ELK3: variants seen among roughly 807,000 people sequenced by gnomAD.
ELK3 encodes ETS domain-containing protein Elk-3.
In ELK3, 10 loss-of-function variants were observed where a neutral mutation model predicts 28.9. The ratio of observed to expected loss-of-function variants is 0.35; its 90% CI spans 0.21 to 0.59. ELK3 has a LOEUF of 0.59. Among genes scored for constraint, ELK3 ranks in the 20% least tolerant of loss-of-function variants. The probability of loss-of-function intolerance (pLI) is 0.82; values close to 1 mark genes in which losing one functional copy is unlikely to be tolerated. For synonymous variants in ELK3, 272 were observed against 243.5 expected (o/e 1.12, Z -1.09); for missense variants, 463 against 517.3 (o/e 0.90, Z 1.02).
At chr12:96,256,655 A>T (rs1293799990) in intron 3 of ELK3, among the ~76,000 whole-genome samples, 4 of 152,260 alleles carry the variant, frequency 2.6e-5, no homozygotes, top group Non-Finnish European at 4.4e-5. Context: ...AATAAGAAAA[A>T]TGTGCCAATC....
intron 1 of ELK3, among the ~76,000 whole-genome samples, chr12:96,219,764 T>C (rs1335069364): frequency 6.6e-6 from 1 of 152,140 alleles, no homozygotes; most frequent in Non-Finnish European, 1.5e-5. Context: ...GTAGATGCAA[T>C]GATAAGCTCA....
chr12:96,220,495 C>T (rs545077572), intron 1 of ELK3, among the ~76,000 whole-genome samples: 3 of 145,024 alleles, frequency 2.1e-5, no homozygotes, highest in African/African-American at 7.6e-5. Context: ...TCAAGCTATT[C>T]TCCTGCCTCA....
At position 96,251,305 on chromosome 12, in the gene ELK3, T is replaced by C. The variant is rs1029286302; in HGVS notation, c.1002+3571T>C. ...GTTGTGTGTGTCCCAACTGCTCTCC[T>C]GTGTCAAACTTGATCAGTGTTGTGT... On this transcript the variant is annotated intron_variant, in intron 3 of 4. Transcript: ENST00000228741. Among the ~76,000 whole-genome samples the C allele has an allele frequency of 3.3e-5, 5 of 152,224 alleles. No homozygotes were observed. The South Asian group carries it at 8.3e-4, about 25-fold the overall frequency.
At chr12:96,261,588 G>C (rs1951992975) in intron 4 of ELK3, among the ~76,000 whole-genome samples, 1 of 152,176 alleles carries the variant, frequency 6.6e-6, no homozygotes. Context: ...TCTAATCCTA[G>C]AATCTAACAC....
intron 1 of ELK3, among the ~76,000 whole-genome samples, chr12:96,199,900 A>T (rs1336839367): frequency 6.6e-6 from 1 of 152,158 alleles, no homozygotes; most frequent in African/African-American, 2.4e-5. Flanking sequence ...AATTAGACTG[A>T]AATGAATTTA....
At chr12:96,265,187 A>G (rs776331136) in intron 4 of ELK3, among the ~76,000 whole-genome samples, 1 of 152,234 alleles carries the variant, frequency 6.6e-6, no homozygotes, top group Non-Finnish European at 1.5e-5. Context: ...GGGGAGTGTC[A>G]TGGGAGAAGA....
chr12:96,256,409 T>C (rs753883661), intron 3 of ELK3, among the ~76,000 whole-genome samples: 1 of 152,144 alleles, frequency 6.6e-6, no homozygotes, highest in South Asian at 2.1e-4. Context: ...ATTGAGGCAG[T>C]GCCTACACGG....
chr12:96,228,645 T>C (rs561016071), intron 2 of ELK3, among the ~76,000 whole-genome samples: 80 of 152,298 alleles, frequency 5.3e-4, no homozygotes, highest in African/African-American at 1.8e-3. Flanking sequence ...AAAATTCAGC[T>C]GTGAAGATGC....
intron 1 of ELK3, among the ~76,000 whole-genome samples, chr12:96,196,155 G>C (rs1951464981): frequency 6.6e-6 from 1 of 152,118 alleles, no homozygotes; most frequent in African/African-American, 2.4e-5. Flanking sequence ...TCCGCTGCTC[G>C]GCACAGGAGG....
chr12:96,231,966 C>T (rs939388764), intron 2 of ELK3, among the ~76,000 whole-genome samples: 10 of 152,276 alleles, frequency 6.6e-5, no homozygotes, highest in African/African-American at 2.4e-4. Context: ...AAAGTGCTGG[C>T]ATGGCCAATG....
Position 96,247,333 on chromosome 12 carries a change from C to T in ELK3, c.601C>T (p.Leu201=), listed in dbSNP as rs369805732. The change falls in exon 3 of 5, where the codon CTG becomes TTG. Residue 201 remains leucine (L), a synonymous_variant. Transcript: ENST00000228741. This position sits in a 1 kb window ranked among gnomAD's most constrained non-coding sequence, Gnocchi z 5.5. ...DKHVTRPVVS[L]PSTSEAAAAS... is the part of the protein sequence containing the mutation. ...GCACGTCACCAGGCCGGTGGTGTCCCTGCCTTCCACGTCAGAGGCTGCGGC... is the reference window on the plus strand; with the variant it reads ...GCACGTCACCAGGCCGGTGGTGTCCTTGCCTTCCACGTCAGAGGCTGCGGC... 28 of 1,614,246 alleles carry T rather than the reference C, an allele frequency of 1.7e-5. No homozygotes were observed. In the African/African-American group the frequency reaches 3.6e-4, roughly 21 times the overall value.
intron 3 of ELK3, among the ~76,000 whole-genome samples, chr12:96,249,020 G>A (rs930468096): frequency 6.6e-6 from 1 of 152,222 alleles, no homozygotes; most frequent in African/African-American, 2.4e-5. Context: ...GACTCAGAAA[G>A]TTTCAGATTC....
chr12:96,264,075 C>G (rs546017652), intron 4 of ELK3, among the ~76,000 whole-genome samples: 14 of 152,284 alleles, frequency 9.2e-5, no homozygotes, highest in Admixed American at 2.0e-4. Flanking sequence ...CTCCTGGGCT[C>G]AAGCGATCCT....
intron 1 of ELK3, among the ~76,000 whole-genome samples, chr12:96,216,377 G>A (rs895871738): frequency 6.6e-6 from 1 of 152,166 alleles, no homozygotes; most frequent in Non-Finnish European, 1.5e-5. Flanking sequence ...AGCTGGAGTC[G>A]GAGAATCAGT....
rs765672381 is a variant in ELK3, at chr12:96,247,663, A to C, written c.931A>C (p.Ile311Leu). The part of the protein sequence containing the change: ...APPLVLSGTD[I>L]GSIALNSPAL... ...CCCGCTGGTGCTCTCCGGCACCGAC[A>C]TCGGCTCCATCGCCCTCAACAGCCC... Residue 311 changes from isoleucine (I) to leucine (L), a missense_variant, in exon 3 of 5, where the codon ATC becomes CTC. This residue lies in a region of ELK3 where 408 missense variants were observed against 414.8 expected (regional missense o/e 0.98). Coordinates refer to ENST00000228741, the MANE Select transcript of ELK3 (RefSeq NM_005230.4). This position sits in a 1 kb window ranked among gnomAD's most constrained non-coding sequence, Gnocchi z 5.5. 2 of 1,612,338 alleles carry C rather than the reference A, an allele frequency of 1.2e-6. No individual in the cohort carries two copies. Among genetic ancestry groups the C allele is most frequent in the Non-Finnish European group, 1.7e-6 (2 of 1,179,828 alleles).
chr12:96,265,016 T>C (rs1592694697), intron 4 of ELK3, among the ~76,000 whole-genome samples: 2 of 152,196 alleles, frequency 1.3e-5, no homozygotes, highest in Non-Finnish European at 2.9e-5. Context: ...CCAGCCACCA[T>C]TCTCACTGAC....
chr12:96,208,002 A>T (rs962741417), intron 1 of ELK3, among the ~76,000 whole-genome samples: 40 of 152,236 alleles, frequency 2.6e-4, no homozygotes, highest in African/African-American at 9.6e-4. Flanking sequence ...TTACTCTACG[A>T]AGGGAGAAAG....
chr12:96,235,583 C>G (rs1325270036), intron 2 of ELK3, among the ~76,000 whole-genome samples: 1 of 152,152 alleles, frequency 6.6e-6, no homozygotes, highest in African/African-American at 2.4e-5. Context: ...CTACCTACCC[C>G]TCCTTTAGCA....
intron 2 of ELK3, among the ~76,000 whole-genome samples, chr12:96,230,488 G>C (rs1430006159): frequency 6.6e-6 from 1 of 152,138 alleles, no homozygotes; most frequent in African/African-American, 2.4e-5. Context: ...CCCCATGACA[G>C]GCACAGCACC....
Sources: gnomAD v4.1 joint callset for allele counts (sites outside exome capture counted in the v4.1 genomes callset) on GRCh38, gnomAD v4.1.1 for gene constraint, gnomAD v4.1.1 regional missense constraint, Gnocchi (gnomAD v3.1) non-coding constraint, MANE v1.5 for transcripts, NCBI Gene and HGNC (gene_info 2026-07-23, HGNC 2026-07-21) for gene names.